RNF214: variants seen among roughly 807,000 people sequenced by gnomAD.
RNF214 encodes ring finger protein 214.
A neutral mutation model predicts 75.9 loss-of-function variants in RNF214; 25 were observed. That is an observed-to-expected ratio of 0.33 (90% CI 0.24 to 0.46). The LOEUF is 0.46. Among genes scored for constraint, RNF214 ranks in the 20% least tolerant of loss-of-function variants. RNF214 has a pLI of 1.00. For synonymous variants in RNF214, 314 were observed against 308.8 expected (o/e 1.02, Z -0.18); for missense variants, 725 against 857.5 (o/e 0.85, Z 1.93).
At chr11:117,243,333 A>G (rs1027479849) in intron 4 of RNF214, among the ~76,000 whole-genome samples, 3 of 152,148 alleles carry the variant, frequency 2.0e-5, no homozygotes, top group Admixed American at 1.3e-4. Flanking sequence ...TTTAGTAGAG[A>G]TGGGATTGCA....
chr11:117,280,982 CT>C (rs57955215), intron 8 of RNF214, among the ~76,000 whole-genome samples: 81 of 87,998 alleles, frequency 9.2e-4, no homozygotes, highest in Admixed American at 9.3e-4. Flanking sequence ...AGGAATAGGG[CT>C]TTTTTTTTTT....
intron 7 of RNF214, 77 bp from the exon 8 acceptor site, chr11:117,280,094 C>A (rs929846282): frequency 2.7e-6 from 4 of 1,474,194 alleles, no homozygotes; most frequent in Non-Finnish European, 2.8e-6. Context: ...AGCCAGTAAG[C>A]ATTTGTTTTC....
intron 6 of RNF214, among the ~76,000 whole-genome samples, chr11:117,255,457 T>C (rs2033496999): frequency 6.6e-6 from 1 of 152,182 alleles, no homozygotes; most frequent in Non-Finnish European, 1.5e-5. Context: ...GGTGCCCTTA[T>C]TTTTGTTCTT....
chr11:117,254,615 T>G (rs1356686239), intron 6 of RNF214, among the ~76,000 whole-genome samples: 1 of 151,826 alleles, frequency 6.6e-6, no homozygotes, highest in African/African-American at 2.4e-5. Context: ...CCACCTGACC[T>G]CTTCGTTCTT....
At chr11:117,269,850 A>G (rs1027361396) in intron 6 of RNF214, among the ~76,000 whole-genome samples, 2 of 152,214 alleles carry the variant, frequency 1.3e-5, no homozygotes, top group African/African-American at 4.8e-5. Context: ...TGTCCAGAAA[A>G]TGTCATCATA....
At chr11:117,241,940 T>C (rs1768016348) in intron 4 of RNF214, among the ~76,000 whole-genome samples, 1 of 152,224 alleles carries the variant, frequency 6.6e-6, no homozygotes, top group Non-Finnish European at 1.5e-5. Context: ...GTATCTCTCA[T>C]TCTAGACACT....
intron 6 of RNF214, among the ~76,000 whole-genome samples, chr11:117,272,112 G>A (rs959749582): frequency 6.6e-6 from 1 of 152,144 alleles, no homozygotes; most frequent in African/African-American, 2.4e-5. Flanking sequence ...TATGCCTGTA[G>A]CTACTTGGGA....
intron 4 of RNF214, among the ~76,000 whole-genome samples, chr11:117,241,239 G>A (rs896859857): frequency 6.6e-6 from 1 of 151,872 alleles, no homozygotes; most frequent in African/African-American, 2.4e-5. Flanking sequence ...TACTTGGGAG[G>A]TTGAGGTAGA....
intron 6 of RNF214, among the ~76,000 whole-genome samples, chr11:117,261,063 C>A (rs1247514163): frequency 1.3e-5 from 2 of 151,932 alleles, no homozygotes; most frequent in African/African-American, 4.8e-5. Flanking sequence ...CTGGCTAGGA[C>A]CTCCAGTACA....
At chr11:117,263,039 T>C (rs1188271758) in intron 6 of RNF214, among the ~76,000 whole-genome samples, 1 of 151,888 alleles carries the variant, frequency 6.6e-6, no homozygotes, top group Non-Finnish European at 1.5e-5. Flanking sequence ...ACTCCTGGGC[T>C]CAAGCACTCC....
chr11:117,236,907 G>A (rs1419886037), intron 2 of RNF214, among the ~76,000 whole-genome samples: 1 of 152,178 alleles, frequency 6.6e-6, no homozygotes, highest in East Asian at 1.9e-4. Context: ...CAACAGTCTT[G>A]TTAGGTGGAT....
At chr11:117,264,482 AGTT>A (rs2033750974) in intron 6 of RNF214, among the ~76,000 whole-genome samples, 1 of 152,166 alleles carries the variant, frequency 6.6e-6, no homozygotes. Flanking sequence ...GGTCACCTAA[AGTT>A]GTATTTTGGA....
Position 117,279,910 on chromosome 11 carries a change from A to G in RNF214, c.962A>G (p.Glu321Gly). Residue 321 changes from glutamate to glycine, a missense_variant and splice_region_variant, in exon 7 of 15, where the codon GAG (glutamate) becomes GGG (glycine). Physicochemically the swap from Glu to Gly is moderately conservative, Grantham distance 98. This residue lies in a region of RNF214 where 363 missense variants were observed against 513.0 expected (regional missense o/e 0.71). Coordinates refer to ENST00000300650, the MANE Select transcript of RNF214 (RefSeq NM_207343.4). ...IEKLCEKGRR[E>G]VWEMELDRLK... Reference sequence around the variant, plus strand: ...GTTCTTGGTTTCTTATCTTACAGAGAGGTGTGGGAAATGGAACTGGATAGA... The same window carrying G: ...GTTCTTGGTTTCTTATCTTACAGAGGGGTGTGGGAAATGGAACTGGATAGA... 2 of 1,603,498 alleles carry G rather than the reference A, an allele frequency of 1.2e-6. No homozygotes were observed. Among genetic ancestry groups the G allele is most frequent in the Non-Finnish European group, 1.7e-6 (2 of 1,173,206 alleles).
chr11:117,256,191 A>G (rs956386903), intron 6 of RNF214, among the ~76,000 whole-genome samples: 2 of 152,144 alleles, frequency 1.3e-5, no homozygotes, highest in African/African-American at 2.4e-5. Flanking sequence ...CTCACCTAGC[A>G]TGTTGTGTAT....
chr11:117,239,313 A>G (rs911364672), intron 3 of RNF214: 4 of 587,984 alleles, frequency 6.8e-6, no homozygotes, highest in South Asian at 4.4e-5. Flanking sequence ...GCCAGTAGCC[A>G]TTGTCTAATC....
chr11:117,272,138 A>G (rs969929738), intron 6 of RNF214, among the ~76,000 whole-genome samples: 1 of 152,098 alleles, frequency 6.6e-6, no homozygotes, highest in Non-Finnish European at 1.5e-5. Context: ...AGGCAGGAGA[A>G]TCACTAGAGC....
intron 1 of RNF214, among the ~76,000 whole-genome samples, chr11:117,234,058 A>G (rs2032826901): frequency 6.6e-6 from 1 of 152,212 alleles, no homozygotes; most frequent in Non-Finnish European, 1.5e-5. Context: ...ATGTAAATAC[A>G]GTGACTCCTG....
At chr11:117,264,393 C>T (rs2033749639) in intron 6 of RNF214, among the ~76,000 whole-genome samples, 1 of 152,018 alleles carries the variant, frequency 6.6e-6, no homozygotes, top group Non-Finnish European at 1.5e-5. Flanking sequence ...AGAGCTATTC[C>T]TATATCTGCA....
chr11:117,242,016 C>T (rs575326300), intron 4 of RNF214, among the ~76,000 whole-genome samples: 6 of 152,042 alleles, frequency 3.9e-5, no homozygotes, highest in Non-Finnish European at 8.8e-5. Flanking sequence ...TAGTCAAATT[C>T]CATCCAGTCT....
Sources: gnomAD v4.1 joint callset for allele counts (sites outside exome capture counted in the v4.1 genomes callset) on GRCh38, gnomAD v4.1.1 for gene constraint, gnomAD v4.1.1 regional missense constraint, MANE v1.5 for transcripts, NCBI Gene and HGNC (gene_info 2026-07-23, HGNC 2026-07-21) for gene names.